FSIP1: variants seen among roughly 807,000 people sequenced by gnomAD.
FSIP1 encodes fibrous sheath interacting protein 1.
A neutral mutation model predicts 60.9 loss-of-function variants in FSIP1; 65 were observed. That is an observed-to-expected ratio of 1.07 (90% CI 0.87 to 1.31). FSIP1 has a LOEUF of 1.31. Among genes scored for constraint, FSIP1 ranks in the 40% most tolerant of loss-of-function variants. The probability of loss-of-function intolerance (pLI) is 0.00; values close to 1 mark genes in which losing one functional copy is unlikely to be tolerated. For missense variants in FSIP1, 675 were observed against 665.5 expected (o/e 1.01, Z -0.16); for synonymous variants, 209 against 221.2 (o/e 0.94, Z 0.49).
At chr15:39,650,178 T>C (rs1387792908) in intron 10 of FSIP1, among the ~76,000 whole-genome samples, 1 of 152,258 alleles carries the variant, frequency 6.6e-6, no homozygotes, top group East Asian at 1.9e-4. Flanking sequence ...TATGGAATTC[T>C]CAGAGGCTTT....
At chr15:39,610,408 G>A (rs1006167072) in intron 11 of FSIP1, among the ~76,000 whole-genome samples, 12 of 152,160 alleles carry the variant, frequency 7.9e-5, no homozygotes, top group East Asian at 1.9e-4. Context: ...ACGGTCAGGC[G>A]CAGTGGCTCA....
At chr15:39,694,165 A>AT (rs1318172745) in intron 10 of FSIP1, among the ~76,000 whole-genome samples, 1 of 151,454 alleles carries the variant, frequency 6.6e-6, no homozygotes, top group African/African-American at 2.4e-5. Context: ...ATACCAAGAG[A>AT]TTTATTTTTT....
intron 10 of FSIP1, among the ~76,000 whole-genome samples, chr15:39,686,165 C>T (rs967697757): frequency 6.6e-6 from 1 of 152,150 alleles, no homozygotes; most frequent in African/African-American, 2.4e-5. Flanking sequence ...AAACCCACCA[C>T]GGGTACCCAA....
At chr15:39,734,617 A>T (rs1050820454) in intron 8 of FSIP1, among the ~76,000 whole-genome samples, 6 of 152,214 alleles carry the variant, frequency 3.9e-5, no homozygotes, top group Non-Finnish European at 8.8e-5. Context: ...TACGCATTTT[A>T]ATGTATTTTT....
chr15:39,646,141 T>C (rs1483158454), intron 10 of FSIP1, among the ~76,000 whole-genome samples: 3 of 152,218 alleles, frequency 2.0e-5, no homozygotes, highest in African/African-American at 4.8e-5. Flanking sequence ...CAGAGAAGAC[T>C]ACCCTGTCTG....
At chr15:39,625,150 T>C (rs1034171605) in intron 10 of FSIP1, among the ~76,000 whole-genome samples, 3 of 152,304 alleles carry the variant, frequency 2.0e-5, no homozygotes, top group East Asian at 1.9e-4. Flanking sequence ...GCTTGCCTTA[T>C]GGGTTTGCCT....
intron 3 of FSIP1, among the ~76,000 whole-genome samples, chr15:39,769,065 G>A (rs7168010): frequency 0.11 from 16,103 of 152,016 alleles, 1,203 homozygotes; most frequent in East Asian, 0.25. Flanking sequence ...AGATCACGAG[G>A]TCAGGAGATC....
At chr15:39,640,939 C>T (rs979998373) in intron 10 of FSIP1, among the ~76,000 whole-genome samples, 2 of 152,178 alleles carry the variant, frequency 1.3e-5, no homozygotes, top group African/African-American at 4.8e-5. Flanking sequence ...TTTTCAATCT[C>T]ATCTGCCTTT....
At chr15:39,636,436 G>T (rs1216897372) in intron 10 of FSIP1, among the ~76,000 whole-genome samples, 1 of 152,146 alleles carries the variant, frequency 6.6e-6, no homozygotes, top group Non-Finnish European at 1.5e-5. Flanking sequence ...GGCATTCTGG[G>T]ATCTAAGTTT....
At chr15:39,728,401 C>T (rs1367628758) in intron 8 of FSIP1, among the ~76,000 whole-genome samples, 1 of 152,178 alleles carries the variant, frequency 6.6e-6, no homozygotes, top group Non-Finnish European at 1.5e-5. Context: ...TACAAGGCTA[C>T]AGTCACCAAA....
chr15:39,717,973 T>TAAA (rs1895806531), intron 9 of FSIP1, among the ~76,000 whole-genome samples: 1 of 152,156 alleles, frequency 6.6e-6, no homozygotes, highest in African/African-American at 2.4e-5. Context: ...GGCTAACCCT[T>TAAA]TGCCCATGTC....
intron 9 of FSIP1, among the ~76,000 whole-genome samples, chr15:39,722,593 T>TA (rs752577336): frequency 2.1e-4 from 32 of 152,028 alleles, no homozygotes; most frequent in Non-Finnish European, 4.0e-4. Flanking sequence ...CTTATGGAAA[T>TA]AGACTTTCTG....
chr15:39,631,823 T>C (rs1310580390), intron 10 of FSIP1, among the ~76,000 whole-genome samples: 2 of 152,220 alleles, frequency 1.3e-5, no homozygotes, highest in South Asian at 2.1e-4. Flanking sequence ...CAGAAAACCA[T>C]TTCTGTTCAT....
At chr15:39,602,620 G>C (rs1387977189) in intron 11 of FSIP1, among the ~76,000 whole-genome samples, 1 of 152,198 alleles carries the variant, frequency 6.6e-6, no homozygotes, top group African/African-American at 2.4e-5. Flanking sequence ...TGTAGAGGCA[G>C]GTGGGATGAA....
rs536828242 is a variant in FSIP1, at chr15:39,685,522, C to T, written c.1188+27922G>A. ...GAGAAAACAAAACATACAACACCCT[C>T]CAGGAATTCTGGTCCTTCTTAAGAT... On this transcript the variant is annotated intron_variant, in intron 10 of 11. Transcript: ENST00000350221. Among the ~76,000 whole-genome samples the T allele has an allele frequency of 1.8e-4, 27 of 152,282 alleles. No individual in the cohort carries two copies. The South Asian group carries it at 5.4e-3, about 30-fold the overall frequency.
In FSIP1 at chr15:39,751,797, G is replaced by C. The variant is rs139771594; in HGVS notation, c.560-9897C>G. On this transcript the variant is annotated intron_variant, in intron 5 of 11. Transcript: ENST00000350221. ...ATTACATTCAGGATTTTTGCTAAAT[G>C]AGATTATAGCTGCTCTTCCCATGAT... 2.0e-5 allele frequency among the ~76,000 whole-genome samples: 3 copies of C among 152,076 alleles called. No individual in the cohort carries two copies. The East Asian group carries it at 5.8e-4, about 29-fold the overall frequency.
At chr15:39,658,561 G>A (rs1285566362) in intron 10 of FSIP1, among the ~76,000 whole-genome samples, 3 of 152,008 alleles carry the variant, frequency 2.0e-5, no homozygotes, top group Non-Finnish European at 4.4e-5. Context: ...AAACAGACAT[G>A]ATAATCTATT....
chr15:39,632,170 T>C (rs189489317), intron 10 of FSIP1, among the ~76,000 whole-genome samples: 10 of 152,316 alleles, frequency 6.6e-5, no homozygotes, highest in Admixed American at 3.9e-4. Context: ...TTATACCTTC[T>C]GATTTTCTTT....
At chr15:39,776,197 A>AGAGT (rs1898054107) in intron 2 of FSIP1, among the ~76,000 whole-genome samples, 1 of 30,676 alleles carries the variant, frequency 3.3e-5, no homozygotes, top group Non-Finnish European at 8.0e-5. Context: ...GGGAGGAGAG[A>AGAGT]GAGGGAGGGA....
Sources: allele counts gnomAD v4.1 joint callset (sites outside exome capture counted in the v4.1 genomes callset), GRCh38; gene constraint gnomAD v4.1.1; transcripts MANE v1.5; gene names NCBI Gene and HGNC (gene_info 2026-07-23, HGNC 2026-07-21).